The following MTRFR variants were observed in gnomAD, a reference collection of about 807,000 sequenced individuals.
MTRFR encodes the protein probable peptide chain release factor C12orf65, mitochondrial.
A neutral mutation model predicts 11.9 loss-of-function variants in MTRFR; 10 were observed. That is an observed-to-expected ratio of 0.84 (90% confidence interval 0.52 to 1.42). The LOEUF (loss-of-function observed/expected upper bound fraction) is 1.42, where lower values mean the gene tolerates loss of function less well. Ranked by LOEUF, MTRFR falls within the 40% of genes most tolerant of loss-of-function variation. The pLI is 0.00. For synonymous variants in MTRFR, 77 were observed against 79.1 expected (o/e 0.97, Z 0.14); for missense variants, 196 against 197.9 (o/e 0.99, Z 0.06).
chr12:123,250,127 G>A (rs772977262), intron 1 of MTRFR: 6 of 152,000 alleles, frequency 3.9e-5, no homozygotes, highest in East Asian at 1.9e-4. Flanking sequence ...CCTTGTCTTC[G>A]AGCTCTGAAT....
intron 1 of MTRFR, among the ~76,000 whole-genome samples, chr12:123,235,199 C>T (rs1255997203): frequency 2.0e-5 from 3 of 152,118 alleles, no homozygotes; most frequent in Non-Finnish European, 4.4e-5. Flanking sequence ...TGATTTTGTT[C>T]GCACTCTAGG....
At chr12:123,235,113 T>C (rs2047823591) in intron 1 of MTRFR, among the ~76,000 whole-genome samples, 1 of 152,204 alleles carries the variant, frequency 6.6e-6, no homozygotes, top group Non-Finnish European at 1.5e-5. Context: ...CCAAAGTTCC[T>C]CAGCCTTGTA....
chr12:123,243,169 C>T (rs1045643038), intron 1 of MTRFR, among the ~76,000 whole-genome samples: 2 of 152,156 alleles, frequency 1.3e-5, no homozygotes, highest in Non-Finnish European at 2.9e-5. Context: ...TTCCTTGGCA[C>T]ACTCCATTTC....
chr12:123,254,023 T>C, intron 2 of MTRFR, 67 bp downstream of exon 2: 2 of 1,585,452 alleles, frequency 1.3e-6, no homozygotes, highest in South Asian at 2.3e-5. Flanking sequence ...CAGAGATTTC[T>C]CCCAAGTGTG....
intron 1 of MTRFR, chr12:123,252,130 AG>A (rs1173541013): frequency 1.3e-5 from 2 of 152,294 alleles, no homozygotes; most frequent in Non-Finnish European, 2.9e-5. Context: ...GTACCTAACA[AG>A]GACCTTATTA....
chr12:123,235,030 C>G (rs1268092097), intron 1 of MTRFR, among the ~76,000 whole-genome samples: 1 of 152,158 alleles, frequency 6.6e-6, no homozygotes, highest in Non-Finnish European at 1.5e-5. Context: ...AGCTCTAAAA[C>G]AAAGGCCGAT....
At chr12:123,239,619 G>A (rs1246262113) in intron 1 of MTRFR, among the ~76,000 whole-genome samples, 1 of 152,108 alleles carries the variant, frequency 6.6e-6, no homozygotes, top group Non-Finnish European at 1.5e-5. Flanking sequence ...AGCCAGGATG[G>A]TCTCGATCTC....
rs570857683 is a variant in MTRFR at position 123,244,333 on chromosome 12, G to A, written c.-28-9314G>A. 9.2e-5 allele frequency among the ~76,000 whole-genome samples: 14 copies of A among 152,248 alleles called. No homozygotes were observed. The South Asian group carries it at 1.7e-3, about 18-fold the overall frequency. On this transcript the variant is annotated intron_variant, in intron 1 of 2. Coordinates refer to ENST00000253233, the MANE Select transcript of MTRFR (RefSeq NM_152269.5). ...TGTAGTCTCAGCTACTCAGGAGGCC[G>A]AGGCAGGAGAATCACTTGAACCCAG...
At chr12:123,254,280 G>A (rs2048156641) in intron 2 of MTRFR, 1 of 322,422 alleles carries the variant, frequency 3.1e-6, no homozygotes, top group African/African-American at 2.1e-5. Context: ...ACAAAGCTAA[G>A]CAGTGGCTGA....
chr12:123,246,229 T>C (rs1363629568), intron 1 of MTRFR, among the ~76,000 whole-genome samples: 9 of 151,770 alleles, frequency 5.9e-5, no homozygotes, highest in African/African-American at 2.2e-4. Context: ...GCTAATTTTG[T>C]ATTTTCAGTA....
intron 1 of MTRFR, among the ~76,000 whole-genome samples, chr12:123,241,147 T>TGG (rs371814302): frequency 6.7e-6 from 1 of 149,936 alleles, no homozygotes; most frequent in Non-Finnish European, 1.5e-5. Context: ...GGTTGTTTTT[T>TGG]TTTTGTTTTT....
At chr12:123,235,153 T>C (rs2047824894) in intron 1 of MTRFR, among the ~76,000 whole-genome samples, 1 of 152,338 alleles carries the variant, frequency 6.6e-6, no homozygotes, top group East Asian at 1.9e-4. Context: ...TCCCATTTAG[T>C]GACCACTAAG....
intron 1 of MTRFR, among the ~76,000 whole-genome samples, chr12:123,244,452 A>G (rs1433273783): frequency 6.6e-6 from 1 of 152,144 alleles, no homozygotes; most frequent in Non-Finnish European, 1.5e-5. Context: ...AACAAAAAAA[A>G]AGCAGCACAT....
intron 1 of MTRFR, among the ~76,000 whole-genome samples, chr12:123,247,718 G>A (rs2048062079): frequency 6.6e-6 from 1 of 152,146 alleles, no homozygotes; most frequent in South Asian, 2.1e-4. Context: ...GGCCAAGGTG[G>A]GCGGATCATG....
intron 1 of MTRFR, chr12:123,252,396 C>A (rs74651379): frequency 0.049 from 7,314 of 150,018 alleles, 316 homozygotes; most frequent in East Asian, 0.27. Flanking sequence ...CGCGCCACTG[C>A]AGTCCAGCCT....
At chr12:123,246,321 G>A (rs2048039762) in intron 1 of MTRFR, among the ~76,000 whole-genome samples, 1 of 152,130 alleles carries the variant, frequency 6.6e-6, no homozygotes, top group South Asian at 2.1e-4. Context: ...CCAAAGTGCT[G>A]AGCCACTGCA....
chr12:123,247,810 T>C (rs1484089794), intron 1 of MTRFR, among the ~76,000 whole-genome samples: 1 of 152,044 alleles, frequency 6.6e-6, no homozygotes, highest in African/African-American at 2.4e-5. Flanking sequence ...CCGGGCGTGG[T>C]AGCGGGCACC....
chr12:123,253,370 G>A (rs140964358), intron 1 of MTRFR: 3 of 374,818 alleles, frequency 8.0e-6, no homozygotes, highest in Non-Finnish European at 1.5e-5. Context: ...TCCTTTCTGA[G>A]AAAACAGCAC....
chr12:123,251,393 T>C (rs1001068606), intron 1 of MTRFR: 1 of 152,276 alleles, frequency 6.6e-6, no homozygotes, highest in Non-Finnish European at 1.5e-5. Context: ...GAAGTTCGAC[T>C]AGAGAATTCT....
Sources: allele counts gnomAD v4.1 joint callset (sites outside exome capture counted in the v4.1 genomes callset), GRCh38; gene constraint gnomAD v4.1.1; transcripts MANE v1.5; gene names NCBI Gene and HGNC (gene_info 2026-07-23, HGNC 2026-07-21).